The following CFAP299 variants were observed in gnomAD, a reference collection of about 807,000 sequenced individuals.
CFAP299 encodes cilia and flagella associated protein 299, also known as cilia- and flagella-associated protein 299.
CFAP299 carries 21 observed loss-of-function variants against 27.0 expected under a neutral mutation model. That is an observed-to-expected ratio of 0.78 (90% CI 0.55 to 1.12). The LOEUF (loss-of-function observed/expected upper bound fraction) is 1.12, where lower values mean the gene tolerates loss of function less well. CFAP299 is among the 50% of genes most tolerant of loss of function. The pLI is 0.00. For missense variants in CFAP299, 310 were observed against 276.6 expected (o/e 1.12, Z -0.86); for synonymous variants, 104 against 98.1 (o/e 1.06, Z -0.36).
intron 4 of CFAP299, among the ~76,000 whole-genome samples, chr4:80,914,499 C>G (rs184169980): frequency 6.6e-6 from 1 of 152,088 alleles, no homozygotes; most frequent in Admixed American, 6.6e-5. Flanking sequence ...GTTAGCATCC[C>G]TCCAGTTATA....
chr4:80,944,807 T>C lies in CFAP299; in HGVS notation c.477-3T>C. The C allele has an allele frequency of 6.3e-7, 1 of 1,586,330 alleles. No individual in the cohort carries two copies. Among genetic ancestry groups the C allele is most frequent in the Non-Finnish European group, 8.6e-7 (1 of 1,164,364 alleles). On this transcript the variant is annotated splice_region_variant and splice_polypyrimidine_tract_variant and intron_variant, in intron 4 of 5. Transcript: ENST00000358105. ...AATTCCTAATAAATGTTTATTTTTA[T>C]AGCTTTTACAACTGGGACGCTGATA...
chr4:80,677,307 A>G (rs1307613376), intron 3 of CFAP299, among the ~76,000 whole-genome samples: 2 of 151,992 alleles, frequency 1.3e-5, no homozygotes, highest in African/African-American at 4.8e-5. Context: ...ATGATCTGAA[A>G]ACATACTTGA....
chr4:80,374,635 G>C (rs1254385431), intron 2 of CFAP299, among the ~76,000 whole-genome samples: 1 of 152,130 alleles, frequency 6.6e-6, no homozygotes, highest in Admixed American at 6.5e-5. Context: ...TCTGATTTTG[G>C]TGTAACATAC....
intron 4 of CFAP299, among the ~76,000 whole-genome samples, chr4:80,904,891 T>G (rs1735105404): frequency 6.6e-6 from 1 of 152,160 alleles, no homozygotes; most frequent in Non-Finnish European, 1.5e-5. Context: ...CCTAAGTCTT[T>G]GTCACAGGCA....
chr4:80,963,394 T>C (rs942771201), intron 5 of CFAP299, 123 bp from the exon 6 acceptor site: 3 of 643,762 alleles, frequency 4.7e-6, no homozygotes, highest in Non-Finnish European at 8.2e-6. Context: ...TGTATATATC[T>C]CCGTGGAAAC....
intron 3 of CFAP299, among the ~76,000 whole-genome samples, chr4:80,636,925 T>TA (rs2109954189): frequency 1.3e-5 from 2 of 152,100 alleles, no homozygotes; most frequent in Admixed American, 1.3e-4. Context: ...TATTAGAAAA[T>TA]AAAAAATTGA....
At chr4:80,955,375 C>G (rs9307774) in intron 5 of CFAP299, among the ~76,000 whole-genome samples, 4,928 of 152,208 alleles carry the variant, frequency 0.032, 281 homozygotes, top group African/African-American at 0.11. Flanking sequence ...AATGTATAGC[C>G]ATTTACAAAG....
chr4:80,681,444 A>G (rs1719837767), intron 3 of CFAP299, among the ~76,000 whole-genome samples: 1 of 152,008 alleles, frequency 6.6e-6, no homozygotes, highest in South Asian at 2.1e-4. Flanking sequence ...AAAAACTGAG[A>G]AATCAATGAA....
At chr4:80,661,484 C>A (rs1000786868) in intron 3 of CFAP299, among the ~76,000 whole-genome samples, 7 of 152,122 alleles carry the variant, frequency 4.6e-5, no homozygotes, top group African/African-American at 1.7e-4. Flanking sequence ...GTCTTTACTG[C>A]AATCTCTGAA....
chr4:80,449,090 T>G (rs983417095), intron 2 of CFAP299, among the ~76,000 whole-genome samples: 2 of 152,190 alleles, frequency 1.3e-5, no homozygotes, highest in Non-Finnish European at 2.9e-5. Flanking sequence ...GCGGATGGTC[T>G]TGTATCCCAA....
the CFAP299 span, among the ~76,000 whole-genome samples, chr4:80,327,610 G>T: frequency 7.2e-6 from 1 of 139,020 alleles, no homozygotes. Flanking sequence ...AAAAATAGTG[G>T]CTGGGTGCAT....
intron 2 of CFAP299, among the ~76,000 whole-genome samples, chr4:80,479,687 T>C (rs1015179113): frequency 6.6e-6 from 1 of 152,010 alleles, no homozygotes; most frequent in East Asian, 1.9e-4. Flanking sequence ...ATCCATTAAT[T>C]GGATTCACAC....
chr4:80,602,065 T>C (rs1360937257), intron 3 of CFAP299, among the ~76,000 whole-genome samples: 1 of 151,754 alleles, frequency 6.6e-6, no homozygotes, highest in Non-Finnish European at 1.5e-5. Flanking sequence ...TATCACAGAG[T>C]GGAGGGTAAG....
chr4:80,940,263 C>A (rs1021033578), intron 4 of CFAP299, among the ~76,000 whole-genome samples: 1 of 152,096 alleles, frequency 6.6e-6, no homozygotes, highest in African/African-American at 2.4e-5. Context: ...CTAGTTCCCC[C>A]CAAGACTATT....
At chr4:80,846,565 T>C (rs72865109) in intron 3 of CFAP299, among the ~76,000 whole-genome samples, 4,863 of 152,308 alleles carry the variant, frequency 0.032, 155 homozygotes, top group African/African-American at 0.086. Context: ...ACAATTATAA[T>C]GAGAACTATA....
chr4:80,672,019 G>T (rs1166527360), intron 3 of CFAP299, among the ~76,000 whole-genome samples: 8 of 152,266 alleles, frequency 5.3e-5, no homozygotes, highest in Admixed American at 5.2e-4. Flanking sequence ...TGATTGCCCT[G>T]GCCAGAACTT....
intron 3 of CFAP299, among the ~76,000 whole-genome samples, chr4:80,606,922 A>G (rs1426885535): frequency 6.6e-6 from 1 of 152,156 alleles, no homozygotes; most frequent in Non-Finnish European, 1.5e-5. Flanking sequence ...CTACTTTTGC[A>G]TTTAAATTGG....
chr4:80,339,271 A>T (rs968610085), intron 1 of CFAP299, among the ~76,000 whole-genome samples: 10 of 152,186 alleles, frequency 6.6e-5, no homozygotes, highest in Non-Finnish European at 1.5e-4. Flanking sequence ...TCACGATCCC[A>T]TGTTGGTTTC....
intron 2 of CFAP299, among the ~76,000 whole-genome samples, chr4:80,433,892 C>T (rs1295252192): frequency 1.3e-5 from 2 of 152,084 alleles, no homozygotes; most frequent in African/African-American, 2.4e-5. Context: ...TGCTGTCAAC[C>T]TCTTCTGTTT....
Sources: allele counts gnomAD v4.1 joint callset (sites outside exome capture counted in the v4.1 genomes callset), GRCh38; gene constraint gnomAD v4.1.1; transcripts MANE v1.5; gene names NCBI Gene and HGNC (gene_info 2026-07-23, HGNC 2026-07-21).